MAF: variants seen among roughly 807,000 people sequenced by gnomAD.
MAF encodes the protein MAF bZIP transcription factor.
In MAF, 10 loss-of-function variants were observed where a neutral mutation model predicts 22.0. The observed-to-expected ratio is 0.45, with a 90% confidence interval of 0.28 to 0.77. The LOEUF (loss-of-function observed/expected upper bound fraction) is 0.77, where lower values mean the gene tolerates loss of function less well. Among genes scored for constraint, MAF ranks in the 30% least tolerant of loss-of-function variants. MAF has a pLI of 0.12. For synonymous variants in MAF, 337 were observed against 255.8 expected (o/e 1.32, Z -3.03); for missense variants, 544 against 548.4 (o/e 0.99, Z 0.08).
chr16:79,263,261 C>T, the MAF span, among the ~76,000 whole-genome samples: 12 of 152,158 alleles, frequency 7.9e-5, no homozygotes, highest in Non-Finnish European at 1.5e-4. Flanking sequence ...AACTTTCTCA[C>T]GTTAGTCTTC....
chr16:79,587,235 A>G (rs1912902132), intron 1 of MAF, among the ~76,000 whole-genome samples: 1 of 152,234 alleles, frequency 6.6e-6, no homozygotes, highest in East Asian at 1.9e-4. Flanking sequence ...ATCTTAAGGT[A>G]GAAACTACTC....
chr16:79,250,520 T>G, the MAF span, among the ~76,000 whole-genome samples: 1 of 152,204 alleles, frequency 6.6e-6, no homozygotes, highest in Non-Finnish European at 1.5e-5. Context: ...TGCAATGACT[T>G]CCATTATATG....
the MAF span, among the ~76,000 whole-genome samples, chr16:79,574,694 CT>C: frequency 0.01 from 1,585 of 152,254 alleles, 26 homozygotes; most frequent in African/African-American, 0.036. Context: ...GTGGCTAAGT[CT>C]GGCTTCAAAC....
At chr16:79,482,793 C>T in the MAF span, among the ~76,000 whole-genome samples, 1 of 151,678 alleles carries the variant, frequency 6.6e-6, no homozygotes, top group Admixed American at 6.6e-5. Flanking sequence ...CTGGCAGCTT[C>T]TTGCAGCAGA....
the MAF span, among the ~76,000 whole-genome samples, chr16:79,477,033 C>T: frequency 6.6e-6 from 1 of 152,112 alleles, no homozygotes; most frequent in Non-Finnish European, 1.5e-5. Flanking sequence ...TCAGGGACAT[C>T]AGGCATTTCT....
the MAF span, among the ~76,000 whole-genome samples, chr16:79,447,891 C>CAAAAAAAAAAAAAAAAAAAAAAAAAAAA: frequency 5.5e-5 from 4 of 72,584 alleles, no homozygotes; most frequent in African/African-American, 3.1e-4. Flanking sequence ...GATTCCATCT[C>CAAAAAAAAAAAAAAAAAAAAAAAAAAAA]AAAAAAAAAA....
chr16:79,476,829 T>C, the MAF span, among the ~76,000 whole-genome samples: 1 of 152,254 alleles, frequency 6.6e-6, no homozygotes, highest in African/African-American at 2.4e-5. Flanking sequence ...CTGTCATCTC[T>C]GTGCCTTGGT....
At chr16:79,589,221 G>C (rs527525392), downstream of MAF, among the ~76,000 whole-genome samples, 2 of 152,274 alleles carry the variant, frequency 1.3e-5, no homozygotes, top group East Asian at 3.9e-4. Flanking sequence ...TTAAAAGTCT[G>C]TCCTCTTGAG....
Position 79,599,501 on chromosome 16 carries a change from C to A in MAF, c.402G>T (p.Gly134=). The A allele has an allele frequency of 6.6e-7, 1 of 1,507,696 alleles. No homozygotes were observed. 93.4% of individuals were successfully genotyped at this position (1,507,696 alleles called of 1,614,324 possible). A position where few individuals can be genotyped will look rare whatever the true frequency, so the allele number is the denominator to read the frequency against. ...CGGCCGCCGCGGCCAGCTGCTGCGC[C>A]CCGCGCGCGTAGCCATCGAAGCCGC... The part of the protein sequence containing the change: ...LQGGFDGYAR[G]AQQLAAAAGA... The change falls in exon 1 of 2, where the codon GGG becomes GGT. Residue 134 remains glycine (G), a synonymous_variant. Transcript: ENST00000326043.
At chr16:79,472,230 C>A in the MAF span, among the ~76,000 whole-genome samples, 3 of 152,136 alleles carry the variant, frequency 2.0e-5, no homozygotes, top group African/African-American at 7.2e-5. Context: ...GCTAAATTGA[C>A]AAAATGCCAT....
At chr16:79,520,983 G>A in the MAF span, among the ~76,000 whole-genome samples, 1 of 152,224 alleles carries the variant, frequency 6.6e-6, no homozygotes. Flanking sequence ...GAGAGTTCAA[G>A]TAACTTACCC....
At chr16:79,445,550 C>G in the MAF span, among the ~76,000 whole-genome samples, 1 of 152,202 alleles carries the variant, frequency 6.6e-6, no homozygotes, top group Non-Finnish European at 1.5e-5. Context: ...CAGGTGCTAA[C>G]CCCCCAAGCT....
the MAF span, among the ~76,000 whole-genome samples, chr16:79,293,723 T>A: frequency 9.2e-5 from 14 of 152,270 alleles, no homozygotes; most frequent in African/African-American, 3.4e-4. Context: ...TGCATAGTAG[T>A]GTGTCTGTGA....
chr16:79,481,604 G>A, the MAF span, among the ~76,000 whole-genome samples: 1 of 151,462 alleles, frequency 6.6e-6, no homozygotes, highest in African/African-American at 2.4e-5. Flanking sequence ...ATCAACCCAG[G>A]TATCCATTCA....
At chr16:79,480,989 C>A in the MAF span, among the ~76,000 whole-genome samples, 2 of 152,256 alleles carry the variant, frequency 1.3e-5, no homozygotes, top group Middle Eastern at 6.8e-3. Context: ...ACTCCACGTC[C>A]CCTCGCTCCA....
At chr16:79,434,646 T>C in the MAF span, among the ~76,000 whole-genome samples, 1 of 151,536 alleles carries the variant, frequency 6.6e-6, no homozygotes, top group Non-Finnish European at 1.5e-5. Flanking sequence ...AAATAATATA[T>C]AATTAAAGTA....
At chr16:79,361,889 C>T in the MAF span, among the ~76,000 whole-genome samples, 6 of 152,164 alleles carry the variant, frequency 3.9e-5, no homozygotes, top group African/African-American at 7.2e-5. Context: ...AGGAAAGGAG[C>T]AGACAGAACG....
chr16:79,487,503 G>C, the MAF span, among the ~76,000 whole-genome samples: 1 of 152,046 alleles, frequency 6.6e-6, no homozygotes, highest in African/African-American at 2.4e-5. Flanking sequence ...CTAAATGATT[G>C]AAAGAAGGCA....
chr16:79,477,870 G>T, the MAF span, among the ~76,000 whole-genome samples: 6 of 151,662 alleles, frequency 4.0e-5, no homozygotes, highest in African/African-American at 1.5e-4. Context: ...GACTACAGGC[G>T]CGTGCCACCA....
Sources: allele counts gnomAD v4.1 joint callset (sites outside exome capture counted in the v4.1 genomes callset), GRCh38; gene constraint gnomAD v4.1.1; transcripts MANE v1.5; gene names NCBI Gene and HGNC (gene_info 2026-07-23, HGNC 2026-07-21).